CRB2: variants seen among roughly 807,000 people sequenced by gnomAD.
CRB2 encodes the protein crumbs cell polarity complex component 2.
Under a neutral mutation model 110.9 loss-of-function variants are expected in CRB2, and 85 were observed. The ratio of observed to expected loss-of-function variants is 0.77; its 90% CI spans 0.64 to 0.92. The LOEUF (loss-of-function observed/expected upper bound fraction) is 0.92, where lower values mean the gene tolerates loss of function less well. Among genes scored for constraint, CRB2 ranks in the 40% least tolerant of loss-of-function variants. CRB2 has a pLI of 0.00. For missense variants in CRB2, 1,843 were observed against 1,851.3 expected (o/e 1.00, Z 0.08); for synonymous variants, 907 against 831.0 (o/e 1.09, Z -1.57).
intron 2 of CRB2, 71 bp from the exon 3 acceptor site, chr9:123,365,846 G>T: frequency 7.3e-7 from 1 of 1,361,890 alleles, no homozygotes; most frequent in Non-Finnish European, 9.8e-7. Flanking sequence ...TCTGGAGCAG[G>T]CCTGGCGCGA....
At position 123,361,132 on chromosome 9, in the gene CRB2, C is replaced by CGGGG. The variant is rs201939429; in HGVS notation, c.95-1732_95-1729dup. Among the ~76,000 whole-genome samples the CGGGG allele has an allele frequency of 1.6e-3, 105 of 65,832 alleles. 6 individuals carry two copies. Among genetic ancestry groups the CGGGG allele is most frequent in the African/African-American group, 3.1e-3 (70 of 22,530 alleles). 43.2% of individuals were successfully genotyped at this position (65,832 alleles called of 152,430 possible). On this transcript the variant is annotated intron_variant, in intron 1 of 12. Transcript: ENST00000373631. ...GGGGCAAAGCTTCAGATTGGATGGG[C>CGGGG]GGGGAGGGGGGGGGGTTCCTTGCAC... is the stretch of plus-strand genomic sequence containing the variant.
In CRB2 at chr9:123,364,929, C is replaced by T. The variant is rs76508310; in HGVS notation, c.419-988C>T. Among the ~76,000 whole-genome samples, 1,021 of 152,280 alleles carry T rather than the reference C, an allele frequency of 6.7e-3. 14 individuals carry two copies. Among genetic ancestry groups the T allele is most frequent in the African/African-American group, 0.023 (974 of 41,544 alleles). On this transcript the variant is annotated intron_variant, in intron 2 of 12. Transcript: ENST00000373631. Reference sequence around the variant, plus strand: ...GATTACCCTACTCAAGCATCTCCTGCCTCTCTGGGATCTGAAAGCCACCAG... The same window carrying T: ...GATTACCCTACTCAAGCATCTCCTGTCTCTCTGGGATCTGAAAGCCACCAG...
intron 6 of CRB2, chr9:123,368,642 C>G: frequency 3.1e-6 from 1 of 325,446 alleles, no homozygotes; most frequent in Non-Finnish European, 4.6e-6. Flanking sequence ...CCCAGTTGAG[C>G]TCACTGTTGG....
chr9:123,370,503 T>C lies in CRB2; in HGVS notation c.1450T>C (p.Leu484=). Reference sequence around the variant, plus strand: ...CACTCGCAATGACACCAAGGAAAGCTTGGAGCTGGCATTGGTGGCAGCCAC... The same window carrying C: ...CACTCGCAATGACACCAAGGAAAGCCTGGAGCTGGCATTGGTGGCAGCCAC... ...LATRNDTKES[L]ELALVAATLQ... The change falls in exon 7 of 13, where the codon TTG becomes CTG. Residue 484 remains leucine (L), a synonymous_variant. Transcript: ENST00000373631. The C allele has an allele frequency of 1.2e-6, 2 of 1,613,486 alleles. No individual in the cohort carries two copies. Among genetic ancestry groups the C allele is most frequent in the East Asian group, 2.2e-5 (1 of 44,886 alleles).
At chr9:123,354,790 C>T (rs77273674), upstream of CRB2, among the ~76,000 whole-genome samples, 98 of 152,304 alleles carry the variant, frequency 6.4e-4, 1 homozygote, top group East Asian at 0.017. Context: ...GGAGTCTACC[C>T]AGGCCTTTTT....
Position 123,372,314 on chromosome 9 carries a change from G to A in CRB2, c.2574G>A (p.Thr858=), listed in dbSNP as rs756722269. 8.1e-6 allele frequency: 13 copies of A among 1,606,208 alleles called. No homozygotes were observed. The highest frequency in any genetic ancestry group is 6.7e-5 in the South Asian group (6 of 89,386). Residue 858 remains threonine (T), a synonymous_variant, in exon 9 of 13, where the codon ACG becomes ACA. Transcript: ENST00000373631. ...CPGQPCLPPA[T]CEEVPDGFVC... ...GCCAGCCCTGTCTCCCACCTGCCAC[G>A]TGTGAGGAGGTCCCTGATGGCTTTG...
chr9:123,366,409 G>T, intron 4 of CRB2, 43 bp downstream of exon 4: 1 of 1,505,888 alleles, frequency 6.6e-7, no homozygotes, highest in Middle Eastern at 2.4e-4. Flanking sequence ...GGAGGGGTAG[G>T]TGTGCGCCTG....
intron 5 of CRB2, 76 bp from the exon 6 acceptor site, chr9:123,367,497 A>T (rs1438704549): frequency 3.7e-5 from 48 of 1,314,912 alleles, no homozygotes; most frequent in Non-Finnish European, 4.9e-5. Flanking sequence ...CAGTCTCTCT[A>T]GCTATAGAAT....
rs138064335 is a variant in CRB2, at chr9:123,372,677, C to A, written c.2602+335C>A. ...AAGTTGGTAGGGGCTTTGAGGACAC[C>A]CAGCTAGGCGGCTCTGACTTTATCC... On this transcript the variant is annotated intron_variant, in intron 9 of 12. Coordinates refer to ENST00000373631, the MANE Select transcript of CRB2 (RefSeq NM_173689.7). Among the ~76,000 whole-genome samples, 394 of 152,322 alleles carry A rather than the reference C, an allele frequency of 2.6e-3. 2 individuals are homozygous for A. Among genetic ancestry groups the A allele is most frequent in the African/African-American group, 9.1e-3 (377 of 41,570 alleles).
chr9:123,373,262 C>T lies in CRB2; in HGVS notation c.2731C>T (p.Arg911Cys), dbSNP rs1402605804. 9 of 1,486,702 alleles carry T rather than the reference C, an allele frequency of 6.1e-6. No homozygotes were observed. The highest frequency in any genetic ancestry group is 1.5e-5 in the African/African-American group (1 of 68,176). The allele number at this position is 1,486,702 out of a possible 1,614,324, so 92.1% of individuals were successfully genotyped here. A position where few individuals can be genotyped will look rare whatever the true frequency, so the allele number is the denominator to read the frequency against. The stretch of plus-strand genomic sequence containing the variant: ...GCGCGACTCCGAGGCCTGGCTGCTG[C>T]GTGCCGCGGCGGGCGCCCTGGAAGG... ...RTRDSEAWLL[R>C]AAAGALEGVW... Residue 911 changes from arginine (R) to cysteine (C), a missense_variant, in exon 10 of 13, where the codon CGT (arginine) becomes TGT (cysteine). Arg to Cys is a radical substitution (Grantham distance 180). Coordinates refer to ENST00000373631, the MANE Select transcript of CRB2 (RefSeq NM_173689.7).
At chr9:123,362,001 T>C (rs2041874205) in intron 1 of CRB2, among the ~76,000 whole-genome samples, 2 of 152,184 alleles carry the variant, frequency 1.3e-5, no homozygotes, top group South Asian at 4.1e-4. Flanking sequence ...GGAAGCATCA[T>C]GGTGGCCAGG....
At chr9:123,365,893 C>G (rs1245874131) in intron 2 of CRB2, 24 bp from the exon 3 acceptor site, 2 of 1,577,460 alleles carry the variant, frequency 1.3e-6, no homozygotes, top group East Asian at 2.3e-5. Flanking sequence ...ATCCTGCACC[C>G]TGTGTGTCCC....
intron 9 of CRB2, among the ~76,000 whole-genome samples, chr9:123,372,903 C>T (rs2042036759): frequency 6.6e-6 from 1 of 152,212 alleles, no homozygotes; most frequent in Non-Finnish European, 1.5e-5. Flanking sequence ...CTAGGCATCA[C>T]GCCCCACCCC....
At chr9:123,363,259 C>T (rs543402068) in intron 2 of CRB2, 71 bp downstream of exon 2, 2 of 1,461,790 alleles carry the variant, frequency 1.4e-6, no homozygotes, top group South Asian at 2.6e-5. Context: ...GTGTAAGCAT[C>T]ATGGCTTCAG....
intron 12 of CRB2, among the ~76,000 whole-genome samples, chr9:123,376,421 G>GC (rs1156884044): frequency 1.3e-5 from 2 of 152,046 alleles, no homozygotes; most frequent in African/African-American, 4.8e-5. Flanking sequence ...CAGCCCCTCG[G>GC]CCCCCCTGCC....
chr9:123,361,166 T>C (rs1208971691), intron 1 of CRB2, among the ~76,000 whole-genome samples: 1 of 142,162 alleles, frequency 7.0e-6, no homozygotes, highest in African/African-American at 2.8e-5. Context: ...ACTGCACAGG[T>C]GAGGGACAGT....
rs2041958287 is a variant in CRB2, at chr9:123,367,706, C to T, written c.1054+20C>T. ...ACGCAGGTGTCTGGGGTGGGGTGGG[C>T]CCTGGGACCATCAGAATTGGTGGTC... On this transcript the variant is annotated intron_variant, in intron 6 of 12. Transcript: ENST00000373631. 2 of 1,483,812 alleles carry T rather than the reference C, an allele frequency of 1.3e-6. No homozygotes were observed. Among genetic ancestry groups the T allele is most frequent in the Non-Finnish European group, 1.8e-6 (2 of 1,090,702 alleles). 91.9% of individuals were successfully genotyped at this position (1,483,812 alleles called of 1,614,324 possible). A position where few individuals can be genotyped will look rare whatever the true frequency, so the allele number is the denominator to read the frequency against.
chr9:123,354,862 C>T (rs980944128), upstream of CRB2, among the ~76,000 whole-genome samples: 3 of 152,184 alleles, frequency 2.0e-5, no homozygotes, highest in East Asian at 1.9e-4. Flanking sequence ...GCTAGAGGGT[C>T]GGCCAGGGCC....
Position 123,370,650 on chromosome 9 carries a change from C to T in CRB2, c.1597C>T (p.Leu533=). 6.2e-7 allele frequency: 1 copy of T among 1,608,738 alleles called. No individual in the cohort carries two copies. The highest frequency in any genetic ancestry group is 8.5e-7 in the Non-Finnish European group (1 of 1,180,006). Residue 533 remains leucine (L), a synonymous_variant, in exon 7 of 13, where the codon CTA becomes TTA. Coordinates refer to ENST00000373631, the MANE Select transcript of CRB2 (RefSeq NM_173689.7). ...EVVLHLATLE[L]RLWHEGCPAR... is the part of the protein sequence containing the mutation. ...TGTGCTCCATCTAGCGACCCTGGAG[C>T]TACGGCTCTGGCATGAGGGCTGCCC...
Sources: gnomAD v4.1 joint callset for allele counts (sites outside exome capture counted in the v4.1 genomes callset) on GRCh38, gnomAD v4.1.1 for gene constraint, MANE v1.5 for transcripts, NCBI Gene and HGNC (gene_info 2026-07-23, HGNC 2026-07-21) for gene names.